The following CCDC30 variants were observed in gnomAD, a reference collection of about 807,000 sequenced individuals.
CCDC30 encodes the protein coiled-coil domain-containing protein 30.
CCDC30 carries 70 observed loss-of-function variants against 100.2 expected under a neutral mutation model. The ratio of observed to expected loss-of-function variants is 0.70; its 90% confidence interval spans 0.58 to 0.85. The LOEUF is 0.85. Ranked by LOEUF, CCDC30 falls within the 40% of genes least tolerant of loss-of-function variation. CCDC30 has a pLI of 0.00. For synonymous variants in CCDC30, 233 were observed against 269.5 expected, an observed-to-expected ratio of 0.86 and a Z score of 1.33; for missense variants, 652 against 771.2, an observed-to-expected ratio of 0.85 and a Z score of 1.83.
At chr1:42,619,766 A>T (rs551946103) in intron 11 of CCDC30, among the ~76,000 whole-genome samples, 1 of 152,300 alleles carries the variant, frequency 6.6e-6, no homozygotes, top group South Asian at 2.1e-4. Context: ...AGCCTGGCTG[A>T]ATTTATTCTC....
intron 11 of CCDC30, among the ~76,000 whole-genome samples, chr1:42,634,163 C>G (rs2148673272): frequency 6.7e-6 from 1 of 149,694 alleles, no homozygotes; most frequent in Middle Eastern, 3.5e-3. Flanking sequence ...AATAGTGATG[C>G]ACACCTCTAG....
At chr1:42,557,548 G>T (rs564018041) in intron 6 of CCDC30, among the ~76,000 whole-genome samples, 113 of 149,822 alleles carry the variant, frequency 7.5e-4, no homozygotes, top group Non-Finnish European at 1.4e-3. Context: ...TTGCCATTGG[G>T]ACCAGTATTT....
intron 1 of CCDC30, among the ~76,000 whole-genome samples, chr1:42,470,947 G>A (rs1314731791): frequency 2.0e-5 from 3 of 152,144 alleles, no homozygotes; most frequent in Non-Finnish European, 4.4e-5. Flanking sequence ...GGTTAAAATG[G>A]TAAATTTTAA....
intron 10 of CCDC30, among the ~76,000 whole-genome samples, chr1:42,608,610 C>G (rs1179128633): frequency 6.8e-6 from 1 of 146,444 alleles, no homozygotes; most frequent in East Asian, 2.1e-4. Flanking sequence ...GAGGCTGAGG[C>G]GGGAGAATGG....
upstream of CCDC30, among the ~76,000 whole-genome samples, chr1:42,462,492 G>C (rs541859572): frequency 1.2e-4 from 18 of 152,110 alleles, no homozygotes; most frequent in Non-Finnish European, 2.2e-4. Context: ...AAATACGTCC[G>C]GATAATGCAT....
chr1:42,474,902 G>A (rs933726934), intron 1 of CCDC30, among the ~76,000 whole-genome samples: 4 of 152,138 alleles, frequency 2.6e-5, no homozygotes, highest in Non-Finnish European at 4.4e-5. Flanking sequence ...TTAACTGCAA[G>A]CTTTTCAAAG....
At chr1:42,496,659 T>TA (rs1644237533) in intron 4 of CCDC30, among the ~76,000 whole-genome samples, 1 of 152,148 alleles carries the variant, frequency 6.6e-6, no homozygotes, top group Non-Finnish European at 1.5e-5. Context: ...AGACTTACAA[T>TA]AAAGCTACAG....
chr1:42,531,901 G>A (rs1644811860), intron 6 of CCDC30, among the ~76,000 whole-genome samples: 1 of 152,032 alleles, frequency 6.6e-6, no homozygotes, highest in South Asian at 2.1e-4. Context: ...ATTCAGAGAG[G>A]GTAGGTATTG....
At chr1:42,557,117 G>T (rs1645386093) in intron 6 of CCDC30, among the ~76,000 whole-genome samples, 1 of 152,116 alleles carries the variant, frequency 6.6e-6, no homozygotes, top group Admixed American at 6.5e-5. Context: ...ATCCACAGAA[G>T]GGAGGCCTTT....
chr1:42,527,212 T>C (rs564656011), intron 6 of CCDC30, among the ~76,000 whole-genome samples: 3 of 152,342 alleles, frequency 2.0e-5, no homozygotes, highest in Middle Eastern at 3.4e-3. Context: ...ACAGAGCTGA[T>C]AACTTTACAG....
At chr1:42,637,245 A>G (rs910872185) in exon 12 of CCDC30, 7 of 1,582,192 alleles carry the variant, frequency 4.4e-6, no homozygotes, top group Non-Finnish European at 6.0e-6. Flanking sequence ...AGAAACTATA[A>G]TGAGAAACAT....
At chr1:42,642,172 G>A (rs937781856) in intron 12 of CCDC30, among the ~76,000 whole-genome samples, 1 of 151,992 alleles carries the variant, frequency 6.6e-6, no homozygotes, top group Non-Finnish European at 1.5e-5. Context: ...CTTGCAGTGA[G>A]CAGAGATCAC....
intron 1 of CCDC30, among the ~76,000 whole-genome samples, chr1:42,479,339 G>A (rs1643921502): frequency 6.6e-6 from 1 of 152,092 alleles, no homozygotes; most frequent in South Asian, 2.1e-4. Flanking sequence ...TTGCACCATT[G>A]CATTCCAGCC....
At chr1:42,553,216 G>A (rs1645290994) in intron 6 of CCDC30, among the ~76,000 whole-genome samples, 1 of 151,444 alleles carries the variant, frequency 6.6e-6, no homozygotes. Flanking sequence ...TGTTGTTTTT[G>A]TTTGTGCTTG....
chr1:42,546,594 A>G (rs974795437), intron 6 of CCDC30, among the ~76,000 whole-genome samples: 4 of 151,422 alleles, frequency 2.6e-5, no homozygotes, highest in Non-Finnish European at 5.9e-5. Context: ...TTCTATATAC[A>G]TACACATATA....
exon 2 of CCDC30, chr1:42,480,510 A>T (rs1334202602): frequency 3.9e-6 from 2 of 509,106 alleles, no homozygotes; most frequent in Non-Finnish European, 5.1e-6. Context: ...TGCAGCCTCA[A>T]CCTCCTGGGC....
chr1:42,517,110 G>A (rs767976824), intron 6 of CCDC30, among the ~76,000 whole-genome samples: 1 of 152,086 alleles, frequency 6.6e-6, no homozygotes, highest in East Asian at 1.9e-4. Flanking sequence ...ATGACACAGG[G>A]TCTTGCTCTG....
At chr1:42,623,700 G>A (rs115236438) in intron 11 of CCDC30, among the ~76,000 whole-genome samples, 1,684 of 152,172 alleles carry the variant, frequency 0.011, 35 homozygotes, top group African/African-American at 0.039. Context: ...TGCTTAGGAT[G>A]TCTTTGGCTA....
intron 11 of CCDC30, among the ~76,000 whole-genome samples, chr1:42,614,360 G>A (rs1646684939): frequency 6.6e-6 from 1 of 151,858 alleles, no homozygotes; most frequent in Middle Eastern, 3.2e-3. Context: ...GATTACAGGC[G>A]TGAGCCACCG....
Sources: allele counts gnomAD v4.1 joint callset (sites outside exome capture counted in the v4.1 genomes callset), GRCh38; gene constraint gnomAD v4.1.1; transcripts MANE v1.5; gene names NCBI Gene and HGNC (gene_info 2026-07-23, HGNC 2026-07-21).